Variants in TAMM41 observed in about 807,000 individuals in gnomAD.
The protein encoded by TAMM41 is TAM41 mitochondrial translocator assembly and maintenance homolog, also known as phosphatidate cytidylyltransferase, mitochondrial.
In TAMM41, 36 loss-of-function variants were observed where a neutral mutation model predicts 44.1. That is an observed-to-expected ratio of 0.82 (90% confidence interval 0.63 to 1.08). The LOEUF is 1.08. Ranked by LOEUF, TAMM41 falls within the 50% of genes least tolerant of loss-of-function variation. TAMM41 has a pLI of 0.00. For synonymous variants in TAMM41, 164 were observed against 153.1 expected, an observed-to-expected ratio of 1.07 and a Z score of -0.53; for missense variants, 417 against 404.3, an observed-to-expected ratio of 1.03 and a Z score of -0.27.
chr3:11,724,395 A>ACCCAGC, the TAMM41 span, among the ~76,000 whole-genome samples: 1 of 149,314 alleles, frequency 6.7e-6, no homozygotes, highest in African/African-American at 2.5e-5. Flanking sequence ...GAGCCACCGC[A>ACCCAGC]CCTGGCCTAT....
At chr3:11,763,754 T>C in the TAMM41 span, among the ~76,000 whole-genome samples, 1 of 152,222 alleles carries the variant, frequency 6.6e-6, no homozygotes, top group Non-Finnish European at 1.5e-5. Context: ...GCAGAGAGGT[T>C]AAGTGTCCTG....
At chr3:11,788,962 AAAAAAGAAAGAAAG>A (rs1256162657), downstream of TAMM41, among the ~76,000 whole-genome samples, 1 of 152,130 alleles carries the variant, frequency 6.6e-6, no homozygotes, top group Non-Finnish European at 1.5e-5. Context: ...GAAAAAAGAA[AAAAAAGAAAGAAAG>A]AAAAAGAAAA....
chr3:11,796,444 G>C (rs1280934859), intron 7 of TAMM41, among the ~76,000 whole-genome samples: 1 of 152,138 alleles, frequency 6.6e-6, no homozygotes, highest in Non-Finnish European at 1.5e-5. Flanking sequence ...CTGACCCCAA[G>C]CTTAGCTCCT....
chr3:11,723,928 G>A, the TAMM41 span, among the ~76,000 whole-genome samples: 1 of 151,828 alleles, frequency 6.6e-6, no homozygotes, highest in Non-Finnish European at 1.5e-5. Flanking sequence ...CACAAGATTG[G>A]CCCAGAGTTG....
chr3:11,758,493 A>T, the TAMM41 span, among the ~76,000 whole-genome samples: 1 of 151,894 alleles, frequency 6.6e-6, no homozygotes, highest in East Asian at 1.9e-4. Context: ...CTGGGATTAC[A>T]TGCACGTGCC....
the TAMM41 span, among the ~76,000 whole-genome samples, chr3:11,766,174 G>T: frequency 2.6e-5 from 4 of 151,592 alleles, no homozygotes; most frequent in Admixed American, 6.6e-5. Flanking sequence ...TTTGTTGTTG[G>T]TTTTTTTTGA....
chr3:11,754,376 C>G, the TAMM41 span, among the ~76,000 whole-genome samples: 1 of 152,122 alleles, frequency 6.6e-6, no homozygotes, highest in Middle Eastern at 3.4e-3. Context: ...AAAATTTTTT[C>G]TTCTTATTAT....
In TAMM41 at chr3:11,809,416, T is replaced by C. The variant is rs542773952; in HGVS notation, c.874+101A>G. 6 of 1,400,454 alleles carry C rather than the reference T, an allele frequency of 4.3e-6. No individual in the cohort carries two copies. In the African/African-American group the frequency reaches 8.7e-5, roughly 20 times the overall value. The allele number at this position is 1,400,454 out of a possible 1,614,324, so 86.8% of individuals were successfully genotyped here. ...CTTCTTCTGAGAGGCAATCTCTCTA[T>C]CTCGCTAAACAAAAAGGAAGAAATA... On this transcript the variant is annotated intron_variant, in intron 6 of 7. Transcript: ENST00000455809.
chr3:11,745,769 T>C, the TAMM41 span, among the ~76,000 whole-genome samples: 2 of 152,166 alleles, frequency 1.3e-5, no homozygotes, highest in East Asian at 1.9e-4. Context: ...GATACGGGCA[T>C]AGCTGTGTGA....
In TAMM41 at chr3:11,846,513, A is replaced by G; in HGVS notation, c.124T>C (p.Ser42Pro). The G allele has an allele frequency of 6.2e-7, 1 of 1,614,174 alleles. No homozygotes were observed. The highest frequency in any genetic ancestry group is 8.5e-7 in the Non-Finnish European group (1 of 1,180,042). ...CTGCCCGGGCTCACCTTCTGGTCTG[A>G]ACTCGGCCCTGCCTGGCGGTACACC... ...SGVYRQAGPS[S>P]DQKNAMLDFV... The change falls in exon 1 of 8, where the codon TCA becomes CCA. Residue 42 changes from serine (S) to proline (P), a missense_variant. Transcript: ENST00000455809.
rs780001306 is a variant in TAMM41 at position 11,807,852 on chromosome 3, C to A, written c.918G>T (p.Thr306=). The stretch of plus-strand genomic sequence containing the variant: ...TCTTACCAGCAGTAAAAATGCCTTT[C>A]GTGCTCTGTCTTATACTAGACGGTC... ...IVRPSSIRQS[T]KGIFTAGLKK... Residue 306 remains threonine, a synonymous_variant, in exon 7 of 8, where the codon ACG becomes ACT. Coordinates refer to ENST00000455809, the MANE Select transcript of TAMM41 (RefSeq NM_001284401.2). 6.5e-7 allele frequency: 1 copy of A among 1,536,178 alleles called. No homozygotes were observed. The highest frequency in any genetic ancestry group is 2.4e-5 in the East Asian group (1 of 40,918).
chr3:11,840,722 A>AG (rs1165160788), intron 2 of TAMM41, among the ~76,000 whole-genome samples: 1 of 151,916 alleles, frequency 6.6e-6, no homozygotes, highest in Non-Finnish European at 1.5e-5. Flanking sequence ...AGTAAAAAAA[A>AG]CTTGTCCTTC....
intron 4 of TAMM41, among the ~76,000 whole-genome samples, chr3:11,818,570 G>A (rs761812919): frequency 6.6e-6 from 1 of 152,116 alleles, no homozygotes; most frequent in Non-Finnish European, 1.5e-5. Context: ...CTACAATTTG[G>A]TGGAATGCAA....
At chr3:11,760,720 C>G in the TAMM41 span, among the ~76,000 whole-genome samples, 2 of 152,046 alleles carry the variant, frequency 1.3e-5, no homozygotes, top group African/African-American at 4.8e-5. Context: ...GCCACCATGC[C>G]TGGCTAGTTT....
At chr3:11,765,361 A>G in the TAMM41 span, among the ~76,000 whole-genome samples, 1 of 152,196 alleles carries the variant, frequency 6.6e-6, no homozygotes, top group African/African-American at 2.4e-5. Flanking sequence ...AAGCTTTCAC[A>G]TGAATCAGGA....
chr3:11,844,050 T>G lies in TAMM41; in HGVS notation c.297A>C (p.Ser99=). 1 of 1,614,086 alleles carries G rather than the reference T, an allele frequency of 6.2e-7. No individual in the cohort carries two copies. Among genetic ancestry groups the G allele is most frequent in the Non-Finnish European group, 8.5e-7 (1 of 1,180,008 alleles). ...TTACCCTACCATTACACATGATCAA[T>G]GAATTGTAGTAAACTCCAGCGCCAT... ...NNYGAGVYYN[S]LIMCNGRLIK... Residue 99 remains serine (S), a synonymous_variant, in exon 2 of 8, where the codon TCA becomes TCC. Coordinates refer to ENST00000455809, the MANE Select transcript of TAMM41 (RefSeq NM_001284401.2).
the TAMM41 span, chr3:11,771,300 C>T: frequency 6.6e-6 from 1 of 152,266 alleles, no homozygotes; most frequent in Admixed American, 6.5e-5. Context: ...GAAGAGAACA[C>T]AGGCAATAAC....
chr3:11,739,608 G>C, the TAMM41 span, among the ~76,000 whole-genome samples: 18 of 144,480 alleles, frequency 1.2e-4, no homozygotes, highest in South Asian at 1.1e-3. Context: ...GGAGGTGGAG[G>C]TTGCAGTGAG....
At chr3:11,818,040 G>A (rs1012412429) in intron 4 of TAMM41, among the ~76,000 whole-genome samples, 5 of 152,230 alleles carry the variant, frequency 3.3e-5, no homozygotes, top group Non-Finnish European at 7.3e-5. Flanking sequence ...GCAAGATGGA[G>A]GAGAAAGGAA....
Sources: gnomAD v4.1 joint callset for allele counts (sites outside exome capture counted in the v4.1 genomes callset) on GRCh38, gnomAD v4.1.1 for gene constraint, MANE v1.5 for transcripts, NCBI Gene and HGNC (gene_info 2026-07-23, HGNC 2026-07-21) for gene names.